The following C2CD3 variants were observed in gnomAD, a reference collection of about 807,000 sequenced individuals.
The protein encoded by C2CD3 is C2 domain-containing protein 3.
C2CD3 carries 148 observed loss-of-function variants against 234.0 expected under a neutral mutation model. The observed-to-expected ratio is 0.63, with a 90% CI of 0.55 to 0.72. C2CD3 has a LOEUF of 0.72. Among genes scored for constraint, C2CD3 ranks in the 30% least tolerant of loss-of-function variants. The pLI is 0.00. For synonymous variants in C2CD3, 1,000 were observed against 1,035.4 expected, an observed-to-expected ratio of 0.97 and a Z score of 0.66; for missense variants, 2,577 against 2,811.5, an observed-to-expected ratio of 0.92 and a Z score of 1.89.
chr11:74,081,302 A>G (rs1319622799), intron 22 of C2CD3, among the ~76,000 whole-genome samples: 1 of 152,152 alleles, frequency 6.6e-6, no homozygotes, highest in East Asian at 1.9e-4. Flanking sequence ...TGGGATCAGT[A>G]TTTCCAGACT....
At chr11:74,139,165 G>C (rs1251897895) in intron 4 of C2CD3, among the ~76,000 whole-genome samples, 198 bp from the exon 5 acceptor site, 1 of 152,174 alleles carries the variant, frequency 6.6e-6, no homozygotes, top group African/African-American at 2.4e-5. Context: ...TTTACCTACA[G>C]TGAGGGAGTC....
chr11:74,059,302 T>C (rs925516207), intron 24 of C2CD3, among the ~76,000 whole-genome samples: 1 of 150,084 alleles, frequency 6.7e-6, no homozygotes, highest in African/African-American at 2.5e-5. Flanking sequence ...TCCCAGCTAC[T>C]TGGGAGGCTG....
At chr11:74,070,046 T>G (rs142286852) in intron 24 of C2CD3, among the ~76,000 whole-genome samples, 1 of 152,348 alleles carries the variant, frequency 6.6e-6, no homozygotes, top group East Asian at 1.9e-4. Flanking sequence ...TTGATAATAT[T>G]GAAGCTGATT....
chr11:74,020,197 A>T (rs1952030336), intron 32 of C2CD3, among the ~76,000 whole-genome samples: 1 of 152,234 alleles, frequency 6.6e-6, no homozygotes, highest in South Asian at 2.1e-4. Context: ...AAGAAGTGCC[A>T]TGTGGACAGG....
At chr11:74,129,034 A>C (rs1017339580) in intron 7 of C2CD3, 8 of 247,282 alleles carry the variant, frequency 3.2e-5, no homozygotes, top group African/African-American at 4.7e-5. Context: ...CATTGTCATC[A>C]TGGCCCGTTC....
At chr11:74,112,651 A>T (rs898989157) in intron 11 of C2CD3, among the ~76,000 whole-genome samples, 2 of 152,240 alleles carry the variant, frequency 1.3e-5, no homozygotes, top group African/African-American at 4.8e-5. Context: ...CTGAATAGAC[A>T]TTTCTCCAAA....
At chr11:74,156,924 T>C (rs1282143348) in intron 3 of C2CD3, among the ~76,000 whole-genome samples, 1 of 152,242 alleles carries the variant, frequency 6.6e-6, no homozygotes, top group Non-Finnish European at 1.5e-5. Flanking sequence ...TGAGCAGAGA[T>C]AGTGCCAGTG....
intron 32 of C2CD3, chr11:74,016,882 C>T (rs1435468309): frequency 6.6e-6 from 1 of 152,418 alleles, no homozygotes; most frequent in African/African-American, 2.4e-5. Context: ...GAGGAACACA[C>T]ATGGAAGCAG....
intron 7 of C2CD3, chr11:74,129,524 G>A (rs1288508826): frequency 4.2e-5 from 8 of 190,512 alleles, no homozygotes; most frequent in South Asian, 2.4e-4. Flanking sequence ...GATGGCGGCC[G>A]GGAAGAGGCG....
chr11:74,044,745 G>C (rs1328961278), intron 28 of C2CD3, among the ~76,000 whole-genome samples: 1 of 151,844 alleles, frequency 6.6e-6, no homozygotes, highest in Non-Finnish European at 1.5e-5. Context: ...TTCTTTTGTT[G>C]ACTTTTTTAT....
In C2CD3 at chr11:74,095,267, G is replaced by T; in HGVS notation, c.3121C>A (p.Gln1041Lys). 6.2e-7 allele frequency: 1 copy of T among 1,613,578 alleles called. No homozygotes were observed. Among genetic ancestry groups the T allele is most frequent in the Non-Finnish European group, 8.5e-7 (1 of 1,179,664 alleles). Reference protein sequence around the residue: ...VQYYFPVQHSQSSVLKGPEFL... With the variant: ...VQYYFPVQHSKSSVLKGPEFL... ...TCAGGTCCTTTCAGCACACTGGATT[G>T]AGAGTGTTGAACTGGAAAGTAGTAC... Residue 1041 changes from glutamine (Q) to lysine (K), a missense_variant, in exon 17 of 33, where the codon CAA (glutamine) becomes AAA (lysine). Transcript: ENST00000334126.
In C2CD3 at chr11:74,150,155, TA is replaced by T. The variant is rs200395607; in HGVS notation, c.484-10328del. 9.2e-3 allele frequency among the ~76,000 whole-genome samples: 1,307 copies of T among 142,336 alleles called. 7 individuals carry two copies. The highest frequency in any genetic ancestry group is 0.022 in the African/African-American group (864 of 38,408). The allele number at this position is 142,336 out of a possible 152,430, so 93.4% of individuals were successfully genotyped here. A position where few individuals can be genotyped will look rare whatever the true frequency, so the allele number is the denominator to read the frequency against. On this transcript the variant is annotated intron_variant, in intron 3 of 32. Transcript: ENST00000334126. ...GTACTTAATGGACACTTTCCTTTTG[TA>T]AAAAAAAAAAAAAATTGATATCAAG...
At chr11:74,048,686 C>T (rs1953510663) in intron 27 of C2CD3, among the ~76,000 whole-genome samples, 1 of 152,136 alleles carries the variant, frequency 6.6e-6, no homozygotes, top group South Asian at 2.1e-4. Flanking sequence ...AATTTCTTGT[C>T]TTAGGACTAC....
At chr11:74,024,821 A>G (rs1952224329) in intron 32 of C2CD3, among the ~76,000 whole-genome samples, 1 of 152,102 alleles carries the variant, frequency 6.6e-6, no homozygotes, top group African/African-American at 2.4e-5. Context: ...TAACCCATCA[A>G]GTAGTGAGAG....
In C2CD3 at chr11:74,138,875, A is replaced by C; in HGVS notation, c.800T>G (p.Leu267Ter). The C allele has an allele frequency of 6.2e-7, 1 of 1,613,006 alleles. No homozygotes were observed. The highest frequency in any genetic ancestry group is 8.5e-7 in the Non-Finnish European group (1 of 1,178,978). Reference sequence around the variant, plus strand: ...TCTGCCTTTCAGAGTTACAGACTCTAAACTCTGTCCTGAATTAAGACTGTG... The same window carrying C: ...TCTGCCTTTCAGAGTTACAGACTCTCAACTCTGTCCTGAATTAAGACTGTG... ...LQHSLNSGQS[L>*]ESVTLKGRAP... Residue 267 changes from leucine (L) to a stop codon, truncating the protein, a stop_gained, in exon 5 of 33, where the codon TTA becomes TGA. Transcript: ENST00000334126. LOFTEE classifies it high-confidence loss of function.
intron 5 of C2CD3, among the ~76,000 whole-genome samples, chr11:74,135,830 A>C (rs1300550120): frequency 6.6e-6 from 1 of 152,216 alleles, no homozygotes; most frequent in Non-Finnish European, 1.5e-5. Context: ...TATCCAGTGC[A>C]ACTGGAGGCC....
intron 28 of C2CD3, among the ~76,000 whole-genome samples, chr11:74,045,838 G>A (rs1382640829): frequency 6.6e-6 from 1 of 152,134 alleles, no homozygotes; most frequent in African/African-American, 2.4e-5. Flanking sequence ...CTCCCAAAGT[G>A]CTGGAATTAC....
Position 74,095,508 on chromosome 11 carries a change from A to C in C2CD3, c.2980-100T>G, listed in dbSNP as rs371266304. On this transcript the variant is annotated intron_variant, in intron 16 of 32. Transcript: ENST00000334126. ...TCTGAGTATAGATAAAGAGATAAGT[A>C]TAATTAGTTGATACTAAAATAGACA... 9.4e-5 allele frequency: 81 copies of C among 864,500 alleles called. 1 individual carries two copies. In the Middle Eastern group the frequency reaches 1.6e-3, roughly 17 times the overall value. The allele number at this position is 864,500 out of a possible 1,614,324, so 53.6% of individuals were successfully genotyped here.
chr11:74,077,794 T>A (rs1565262918), intron 23 of C2CD3, among the ~76,000 whole-genome samples: 1 of 4,652 alleles, frequency 2.1e-4, no homozygotes, highest in African/African-American at 1.5e-3. Context: ...TATATATATA[T>A]ATATATATAT....
Sources: gnomAD v4.1 joint callset for allele counts (sites outside exome capture counted in the v4.1 genomes callset) on GRCh38, gnomAD v4.1.1 for gene constraint, MANE v1.5 for transcripts, NCBI Gene and HGNC (gene_info 2026-07-23, HGNC 2026-07-21) for gene names.